SH2D3C: variants seen among roughly 807,000 people sequenced by gnomAD.
The protein encoded by SH2D3C is SH2 domain containing 3C.
In SH2D3C, 25 loss-of-function variants were observed where a neutral mutation model predicts 75.2. The ratio of observed to expected loss-of-function variants is 0.33; its 90% CI spans 0.24 to 0.46. The LOEUF (loss-of-function observed/expected upper bound fraction) is 0.46, where lower values mean the gene tolerates loss of function less well. SH2D3C is among the 20% of genes least tolerant of loss of function. SH2D3C has a pLI of 1.00. For synonymous variants in SH2D3C, 450 were observed against 473.7 expected (o/e 0.95, Z 0.65); for missense variants, 933 against 1,165.3 (o/e 0.80, Z 2.90).
Position 127,739,249 on chromosome 9 carries a change from C to T in SH2D3C, c.2408-328G>A, listed in dbSNP as rs1323075672. Reference sequence around the variant, plus strand: ...TTTAGGCTGGGTGCGGTGGCTCACACCTGTAATCCCAGCACTTTGGGAGGC... The same window carrying T: ...TTTAGGCTGGGTGCGGTGGCTCACATCTGTAATCCCAGCACTTTGGGAGGC... On this transcript the variant is annotated intron_variant, in intron 11 of 11. Coordinates refer to ENST00000314830, the MANE Select transcript of SH2D3C (RefSeq NM_170600.3). The surrounding 1 kb of genome is among the most constrained non-coding windows in gnomAD (Gnocchi z 4.3). Among the ~76,000 whole-genome samples the T allele has an allele frequency of 6.6e-6, 1 of 152,030 alleles. No individual in the cohort carries two copies. Among genetic ancestry groups the T allele is most frequent in the Non-Finnish European group, 1.5e-5 (1 of 68,012 alleles).
chr9:127,742,095 T>G, intron 8 of SH2D3C, 136 bp from the exon 9 acceptor site: 1 of 785,936 alleles, frequency 1.3e-6, no homozygotes, highest in Non-Finnish European at 2.0e-6. Context: ...GTCAATGGGA[T>G]AAGGGGGCGC....
In SH2D3C at chr9:127,774,211, C is replaced by A. The variant is rs750240841; in HGVS notation, c.294G>T (p.Gln98His). 1 of 1,613,968 alleles carries A rather than the reference C, an allele frequency of 6.2e-7. No individual in the cohort carries two copies. The highest frequency in any genetic ancestry group is 8.5e-7 in the Non-Finnish European group (1 of 1,179,948). The change falls in exon 2 of 12, where the codon CAG becomes CAT. Residue 98 changes from glutamine (Q) to histidine (H), a missense_variant. Coordinates refer to ENST00000314830, the MANE Select transcript of SH2D3C (RefSeq NM_170600.3). This position sits in a 1 kb window ranked among gnomAD's most constrained non-coding sequence, Gnocchi z 4.3. ...AQNSQAARQAQEAGPKPNLVP... is the reference protein window; with the variant it reads ...AQNSQAARQAHEAGPKPNLVP... ...CCAAGTTGGGCTTGGGACCCGCCTCCTGGGCCTGCCGGGCAGCCTGTGAGT... is the reference window on the plus strand; with the variant it reads ...CCAAGTTGGGCTTGGGACCCGCCTCATGGGCCTGCCGGGCAGCCTGTGAGT...
chr9:127,766,849 C>A (rs1588521287), intron 2 of SH2D3C: 58 of 1,344,634 alleles, frequency 4.3e-5, no homozygotes, highest in Non-Finnish European at 5.7e-5. Flanking sequence ...GGGTTACAGG[C>A]GTGAGCCCTG....
intron 2 of SH2D3C, chr9:127,762,144 A>G (rs1845543263): frequency 1.7e-6 from 2 of 1,158,546 alleles, no homozygotes; most frequent in Non-Finnish European, 2.2e-6. Flanking sequence ...CCTAGGGTAG[A>G]GTGACCCAGT....
At chr9:127,777,249 G>A (rs753704434) in intron 1 of SH2D3C, among the ~76,000 whole-genome samples, 1 of 152,168 alleles carries the variant, frequency 6.6e-6, no homozygotes, top group Non-Finnish European at 1.5e-5. Context: ...AAAGTTTGCT[G>A]GGACTGGGAA....
rs562795198 is a variant in SH2D3C, at chr9:127,774,589, C to G, written c.38-122G>C. On this transcript the variant is annotated intron_variant, in intron 1 of 11. Coordinates refer to ENST00000314830, the MANE Select transcript of SH2D3C (RefSeq NM_170600.3). The surrounding 1 kb of genome is among the most constrained non-coding windows in gnomAD (Gnocchi z 4.3). ...AAGAGGGCTGGCGGTTTCCCAGACACCCCTTCTAAAATTGTTAACACGCCC... is the reference window on the plus strand; with the variant it reads ...AAGAGGGCTGGCGGTTTCCCAGACAGCCCTTCTAAAATTGTTAACACGCCC... The G allele has an allele frequency of 8.9e-5, 56 of 629,682 alleles. No individual in the cohort carries two copies. In the South Asian group the frequency reaches 1.0e-3, roughly 12 times the overall value. 39.0% of individuals were successfully genotyped at this position (629,682 alleles called of 1,614,324 possible).
At chr9:127,747,110 T>A in intron 6 of SH2D3C, 37 bp downstream of exon 6, 2 of 1,600,950 alleles carry the variant, frequency 1.2e-6, no homozygotes, top group East Asian at 2.2e-5. Context: ...CAACAACAGA[T>A]TCCCTCCACC....
intron 6 of SH2D3C, among the ~76,000 whole-genome samples, chr9:127,745,507 A>G (rs528002738): frequency 8.3e-6 from 1 of 120,742 alleles, no homozygotes; most frequent in African/African-American, 3.4e-5. Context: ...TCTGTGGCCC[A>G]GGCTGGAGTG....
At chr9:127,748,394 A>G (rs565073) in intron 5 of SH2D3C, among the ~76,000 whole-genome samples, 104,550 of 152,080 alleles carry the variant, frequency 0.69, 37,184 homozygotes, top group African/African-American at 0.87. Flanking sequence ...CCAGGGAGAC[A>G]GAGCCTCAAG....
At chr9:127,756,734 TC>T (rs1845390502) in intron 3 of SH2D3C, among the ~76,000 whole-genome samples, 1 of 143,614 alleles carries the variant, frequency 7.0e-6, no homozygotes, top group African/African-American at 2.6e-5. Flanking sequence ...AAGCTCCGCC[TC>T]CCGCGTTCAT....
intron 6 of SH2D3C, among the ~76,000 whole-genome samples, chr9:127,745,810 G>A (rs1420275993): frequency 6.6e-6 from 1 of 152,096 alleles, no homozygotes; most frequent in Non-Finnish European, 1.5e-5. Context: ...TAGCAATAAT[G>A]ATTTGTTGCT....
In SH2D3C at chr9:127,774,336, T is replaced by G; in HGVS notation, c.169A>C (p.Met57Leu). 1 of 1,613,970 alleles carries G rather than the reference T, an allele frequency of 6.2e-7. No homozygotes were observed. Among genetic ancestry groups the G allele is most frequent in the Non-Finnish European group, 8.5e-7 (1 of 1,179,978 alleles). Residue 57 changes from methionine (M) to leucine (L), a missense_variant, in exon 2 of 12, where the codon ATG becomes CTG. Transcript: ENST00000314830. The surrounding 1 kb of genome is among the most constrained non-coding windows in gnomAD (Gnocchi z 4.3). ...PDTFEATQDD[M>L]VTVPKSPPAY... is the part of the protein sequence containing the mutation. ...GGGGGACTCTTGGGCACCGTCACCATGTCATCCTGCGTGGCTTCAAAGGTG... is the reference window on the plus strand; with the variant it reads ...GGGGGACTCTTGGGCACCGTCACCAGGTCATCCTGCGTGGCTTCAAAGGTG...
intron 7 of SH2D3C, among the ~76,000 whole-genome samples, chr9:127,743,299 T>C (rs975251672): frequency 1.3e-5 from 2 of 152,174 alleles, no homozygotes; most frequent in Admixed American, 6.5e-5. Flanking sequence ...GGTCAGGAGT[T>C]CGAGACCAGC....
chr9:127,747,336 A>ACCC, intron 5 of SH2D3C, 65 bp from the exon 6 acceptor site: 7 of 1,504,738 alleles, frequency 4.7e-6, no homozygotes, highest in Non-Finnish European at 6.3e-6. Context: ...TGCCTCTGGG[A>ACCC]CCCCCCACCT....
intron 2 of SH2D3C, among the ~76,000 whole-genome samples, chr9:127,769,522 G>C (rs1222192755): frequency 6.6e-6 from 1 of 151,942 alleles, no homozygotes; most frequent in African/African-American, 2.4e-5. Context: ...CAGGCGTGGT[G>C]GCGCATGCCT....
chr9:127,743,603 G>C (rs866186658), intron 7 of SH2D3C, among the ~76,000 whole-genome samples: 2 of 152,252 alleles, frequency 1.3e-5, no homozygotes, highest in Non-Finnish European at 2.9e-5. Flanking sequence ...GCAGGGAATG[G>C]GCTTGCCCAA....
chr9:127,747,084 A>G lies in SH2D3C; in HGVS notation c.1264+63T>C, dbSNP rs993398079. Reference sequence around the variant, plus strand: ...GGCGGAAACACACATAACCACACATAGGTGACAGAAGTCTTCAACAACAGA... The same window carrying G: ...GGCGGAAACACACATAACCACACATGGGTGACAGAAGTCTTCAACAACAGA... On this transcript the variant is annotated intron_variant, in intron 6 of 11. Coordinates refer to ENST00000314830, the MANE Select transcript of SH2D3C (RefSeq NM_170600.3). The G allele has an allele frequency of 2.6e-6, 4 of 1,556,502 alleles. No homozygotes were observed. In the Admixed American group the frequency reaches 7.5e-5, roughly 29 times the overall value.
intron 3 of SH2D3C, among the ~76,000 whole-genome samples, chr9:127,760,283 G>C (rs757757187): frequency 6.6e-6 from 1 of 152,186 alleles, no homozygotes; most frequent in Non-Finnish European, 1.5e-5. Context: ...CCTACTCTCA[G>C]TGCTCAGCAC....
chr9:127,766,899 A>C (rs1161741848), intron 2 of SH2D3C: 2 of 1,521,288 alleles, frequency 1.3e-6, no homozygotes, highest in South Asian at 2.4e-5. Context: ...ATCTTCACTC[A>C]CCCACCGCAG....
Sources: allele counts gnomAD v4.1 joint callset (sites outside exome capture counted in the v4.1 genomes callset), GRCh38; gene constraint gnomAD v4.1.1; non-coding constraint Gnocchi (gnomAD v3.1); transcripts MANE v1.5; gene names NCBI Gene and HGNC (gene_info 2026-07-23, HGNC 2026-07-21).